SAXO1: variants seen among roughly 807,000 people sequenced by gnomAD.
The protein encoded by SAXO1 is 4930500O09Rik.
SAXO1 carries 21 observed loss-of-function variants against 17.5 expected under a neutral mutation model. The observed-to-expected ratio is 1.20, with a 90% CI of 0.85 to 1.72. SAXO1 has a LOEUF of 1.72. Ranked by LOEUF, SAXO1 falls within the 40% of genes most tolerant of loss-of-function variation. The pLI is 0.00. For synonymous variants in SAXO1, 274 were observed against 216.5 expected, an observed-to-expected ratio of 1.27 and a Z score of -2.33; for missense variants, 843 against 596.0, an observed-to-expected ratio of 1.41 and a Z score of -4.32.
chr9:19,001,647 C>A (rs1232817196), intron 1 of SAXO1, among the ~76,000 whole-genome samples: 3 of 139,328 alleles, frequency 2.2e-5, no homozygotes, highest in Non-Finnish European at 3.1e-5. Context: ...GCCTGGGCAA[C>A]AGAGCAAGAC....
intron 1 of SAXO1, among the ~76,000 whole-genome samples, chr9:18,993,094 C>G (rs544288477): frequency 6.6e-6 from 1 of 152,022 alleles, no homozygotes; most frequent in East Asian, 1.9e-4. Flanking sequence ...GCCACCATGC[C>G]CAGCCAGAAC....
At chr9:18,983,022 G>A (rs972857277) in intron 1 of SAXO1, among the ~76,000 whole-genome samples, 2 of 152,102 alleles carry the variant, frequency 1.3e-5, no homozygotes, top group South Asian at 2.1e-4. Flanking sequence ...GGTGACGCTT[G>A]GGCTAAGTAG....
Position 18,969,166 on chromosome 9 carries a change from T to C in SAXO1, c.39-18229A>G, listed in dbSNP as rs117459286. 1.5e-3 allele frequency among the ~76,000 whole-genome samples: 228 copies of C among 152,294 alleles called. 1 individual carries two copies. Among genetic ancestry groups the C allele is most frequent in the Middle Eastern group, 3.4e-3 (1 of 294 alleles). ...TAAGTAAGAGCTTCCTTGAGGCTAA[T>C]AGGCTTTAGTCCAACCACCTGGGTA... On this transcript the variant is annotated intron_variant, in intron 1 of 3. Transcript: ENST00000380534.
chr9:18,938,460 G>A (rs1831395290), intron 3 of SAXO1, among the ~76,000 whole-genome samples: 1 of 152,048 alleles, frequency 6.6e-6, no homozygotes. Flanking sequence ...GAGTCGGGAG[G>A]TGGGGAGGTG....
intron 1 of SAXO1, among the ~76,000 whole-genome samples, chr9:18,985,360 ACAG>A (rs1359289971): frequency 1.3e-5 from 2 of 152,324 alleles, no homozygotes; most frequent in East Asian, 3.9e-4. Flanking sequence ...TATTGGAAAA[ACAG>A]CAGACAGAAT....
intron 1 of SAXO1, among the ~76,000 whole-genome samples, chr9:18,999,343 G>A (rs12352756): frequency 0.48 from 72,472 of 152,028 alleles, 18,264 homozygotes; most frequent in Non-Finnish European, 0.57. Flanking sequence ...TGCCCCGGCT[G>A]GCAAGTGACG....
intron 1 of SAXO1, among the ~76,000 whole-genome samples, chr9:19,032,374 T>C (rs1835807270): frequency 6.6e-6 from 1 of 152,244 alleles, no homozygotes; most frequent in African/African-American, 2.4e-5. Context: ...CAGGCGACTG[T>C]GAAAGTAATG....
At chr9:18,943,285 T>A (rs547609012) in intron 2 of SAXO1, among the ~76,000 whole-genome samples, 25 of 152,214 alleles carry the variant, frequency 1.6e-4, no homozygotes, top group Non-Finnish European at 2.8e-4. Context: ...GCGGCAGTTA[T>A]AGGACATTCA....
intron 1 of SAXO1, among the ~76,000 whole-genome samples, chr9:18,964,111 G>C (rs901602748): frequency 6.6e-6 from 1 of 152,186 alleles, no homozygotes; most frequent in Non-Finnish European, 1.5e-5. Context: ...TCGCATCCTA[G>C]GAATGAAGCT....
intron 3 of SAXO1, among the ~76,000 whole-genome samples, chr9:18,938,867 T>TACGTGTGTGTG (rs1831426583): frequency 6.6e-6 from 1 of 151,276 alleles, no homozygotes; most frequent in African/African-American, 2.4e-5. Flanking sequence ...TGTGTGTGTG[T>TACGTGTGTGTG]TGAGCGGTAA....
chr9:18,948,833 T>C (rs899623072), intron 2 of SAXO1, among the ~76,000 whole-genome samples: 1 of 152,210 alleles, frequency 6.6e-6, no homozygotes, highest in Non-Finnish European at 1.5e-5. Context: ...TGAAGCCAAC[T>C]AGACATCTCA....
intron 1 of SAXO1, among the ~76,000 whole-genome samples, chr9:19,009,044 G>C (rs184289000): frequency 1.7e-4 from 26 of 152,182 alleles, no homozygotes; most frequent in African/African-American, 6.0e-4. Flanking sequence ...TGTCTAGTTC[G>C]CTTTCAAATA....
intron 1 of SAXO1, among the ~76,000 whole-genome samples, chr9:19,024,110 G>A (rs535743298): frequency 8.6e-5 from 12 of 139,974 alleles, no homozygotes; most frequent in Admixed American, 2.4e-4. Context: ...CTTTGCTGGC[G>A]AGTTCACATT....
intron 1 of SAXO1, among the ~76,000 whole-genome samples, chr9:19,043,492 CATGGTGG>C (rs1370517787): frequency 6.6e-6 from 1 of 151,814 alleles, no homozygotes. Flanking sequence ...AGGGGCCAGG[CATGGTGG>C]CTCACACCTG....
At chr9:18,946,180 G>T (rs1315563585) in intron 2 of SAXO1, among the ~76,000 whole-genome samples, 1 of 150,300 alleles carries the variant, frequency 6.7e-6, no homozygotes, top group South Asian at 2.1e-4. Context: ...GGAGGCTGAG[G>T]CAGGAGAATC....
chr9:18,929,027 C>T lies in SAXO1; in HGVS notation c.450G>A (p.Arg150=). The change falls in exon 4 of 4, where the codon AGG becomes AGA. Residue 150 remains arginine, a synonymous_variant. Coordinates refer to ENST00000380534, the MANE Select transcript of SAXO1 (RefSeq NM_153707.4). ...KADYLPWNQP[R]REPLRLEHKY... ...TGTGTTCCAGACGAAGTGGCTCTCG[C>T]CTTGGTTGGTTCCAAGGCAAATAAT... 1 of 1,614,110 alleles carries T rather than the reference C, an allele frequency of 6.2e-7. No homozygotes were observed.
intron 1 of SAXO1, among the ~76,000 whole-genome samples, chr9:19,030,940 G>T (rs1438404640): frequency 6.6e-6 from 1 of 152,108 alleles, no homozygotes; most frequent in East Asian, 1.9e-4. Flanking sequence ...AGAAACTATT[G>T]GCTGAAACCA....
intron 1 of SAXO1, among the ~76,000 whole-genome samples, chr9:18,985,355 G>C (rs1833550225): frequency 6.6e-6 from 1 of 152,088 alleles, no homozygotes; most frequent in African/African-American, 2.4e-5. Flanking sequence ...CATGGTATTG[G>C]AAAAACAGCA....
intron 1 of SAXO1, chr9:19,028,089 G>A: frequency 6.2e-7 from 1 of 1,611,966 alleles, no homozygotes; most frequent in Non-Finnish European, 8.5e-7. Flanking sequence ...AAGGCATCCT[G>A]GAGGTCCAGG....
Sources: gnomAD v4.1 joint callset for allele counts (sites outside exome capture counted in the v4.1 genomes callset) on GRCh38, gnomAD v4.1.1 for gene constraint, MANE v1.5 for transcripts, NCBI Gene and HGNC (gene_info 2026-07-23, HGNC 2026-07-21) for gene names.